The following UBAC2 variants were observed in gnomAD, a reference collection of about 807,000 sequenced individuals.
UBAC2 encodes ubiquitin-associated domain-containing protein 2.
Under a neutral mutation model 44.0 loss-of-function variants are expected in UBAC2, and 26 were observed. The ratio of observed to expected loss-of-function variants is 0.59; its 90% CI spans 0.43 to 0.82. The LOEUF (loss-of-function observed/expected upper bound fraction) is 0.82. UBAC2 is among the 40% of genes least tolerant of loss of function. The probability of loss-of-function intolerance (pLI) is 0.00; values close to 1 mark genes in which losing one functional copy is unlikely to be tolerated. For missense variants in UBAC2, 329 were observed against 419.4 expected (o/e 0.78, Z 1.88); for synonymous variants, 155 against 154.3 (o/e 1.00, Z -0.04).
chr13:99,215,349 A>G, intron 1 of UBAC2: 2 of 884,472 alleles, frequency 2.3e-6, no homozygotes, highest in Admixed American at 3.4e-5. Flanking sequence ...GAGTCCTGAG[A>G]TAACAAGGAA....
chr13:99,209,771 C>T (rs1454772258), intron 1 of UBAC2, among the ~76,000 whole-genome samples: 1 of 152,146 alleles, frequency 6.6e-6, no homozygotes, highest in East Asian at 1.9e-4. Flanking sequence ...GCCAGGAGTT[C>T]GAGACCAGCC....
intron 4 of UBAC2, among the ~76,000 whole-genome samples, chr13:99,293,323 C>G (rs963903146): frequency 6.6e-6 from 1 of 152,108 alleles, no homozygotes; most frequent in East Asian, 1.9e-4. Flanking sequence ...AGGACTCTTG[C>G]CTACCCTAAG....
At chr13:99,254,396 G>T (rs2043502940) in intron 4 of UBAC2, among the ~76,000 whole-genome samples, 1 of 152,106 alleles carries the variant, frequency 6.6e-6, no homozygotes, top group Admixed American at 6.5e-5. Flanking sequence ...AGGCCCCTTG[G>T]GTTCTTGTTG....
intron 2 of UBAC2, among the ~76,000 whole-genome samples, chr13:99,242,776 C>A (rs9557183): frequency 6.2e-5 from 1 of 16,012 alleles, no homozygotes; most frequent in Non-Finnish European, 1.6e-4. Flanking sequence ...CGGGCGGAGA[C>A]GCTCCTCACT....
intron 4 of UBAC2, among the ~76,000 whole-genome samples, chr13:99,254,308 G>T (rs1461737363): frequency 6.6e-6 from 1 of 152,216 alleles, no homozygotes; most frequent in African/African-American, 2.4e-5. Context: ...TAGGCTCTCA[G>T]TGTTTGTTGA....
At chr13:99,307,635 A>G (rs1381376284) in intron 4 of UBAC2, among the ~76,000 whole-genome samples, 2 of 152,172 alleles carry the variant, frequency 1.3e-5, no homozygotes, top group Non-Finnish European at 2.9e-5. Context: ...TATCTGTGGA[A>G]CTTTATAAAT....
intron 8 of UBAC2, among the ~76,000 whole-genome samples, chr13:99,382,477 C>T (rs1037006382): frequency 1.2e-4 from 18 of 152,192 alleles, no homozygotes; most frequent in African/African-American, 4.3e-4. Context: ...TTCCTCTGCT[C>T]TCATTGAAGC....
Position 99,385,371 on chromosome 13 carries a change from C to A in UBAC2, c.*36C>A, listed in dbSNP as rs771286531. 1 of 1,550,062 alleles carries A rather than the reference C, an allele frequency of 6.5e-7. No individual in the cohort carries two copies. The highest frequency in any genetic ancestry group is 8.9e-7 in the Non-Finnish European group (1 of 1,123,086). ...CCAACACTGGGACCGGACCGGCAGC[C>A]GAGTGACAGTGCGTGGTCCCCACCA... On this transcript the variant is annotated 3_prime_UTR_variant, in exon 9 of 9. Transcript: ENST00000403766.
chr13:99,369,602 A>G (rs1402903629), intron 8 of UBAC2, among the ~76,000 whole-genome samples: 6 of 152,210 alleles, frequency 3.9e-5, no homozygotes, highest in African/African-American at 4.8e-5. Flanking sequence ...TCAACTTATG[A>G]TATTTTCAAC....
chr13:99,312,977 TTTTG>T (rs979019551), intron 4 of UBAC2: 10 of 152,722 alleles, frequency 6.5e-5, no homozygotes, highest in East Asian at 1.9e-4. Context: ...TTTTTTTTGT[TTTTG>T]TTTGTTTGTT....
chr13:99,255,510 C>T, intron 4 of UBAC2: 1 of 1,614,084 alleles, frequency 6.2e-7, no homozygotes, highest in Non-Finnish European at 8.5e-7. Context: ...GTACAATGGC[C>T]ATGTATCTGT....
intron 6 of UBAC2, among the ~76,000 whole-genome samples, chr13:99,322,795 G>A (rs548735034): frequency 6.6e-6 from 1 of 152,284 alleles, no homozygotes; most frequent in South Asian, 2.1e-4. Context: ...AACACTTTAC[G>A]ATGGTGCAAG....
intron 7 of UBAC2, among the ~76,000 whole-genome samples, chr13:99,342,110 C>T (rs2044899248): frequency 6.6e-6 from 1 of 152,118 alleles, no homozygotes. Flanking sequence ...GAGAGAACAC[C>T]GTCAGCATCA....
intron 4 of UBAC2, among the ~76,000 whole-genome samples, chr13:99,271,976 G>C (rs1385516265): frequency 6.6e-6 from 1 of 152,170 alleles, no homozygotes; most frequent in Non-Finnish European, 1.5e-5. Flanking sequence ...TTTTTGTTAG[G>C]ACTGTTTGAT....
intron 7 of UBAC2, among the ~76,000 whole-genome samples, chr13:99,350,180 A>G (rs541435686): frequency 2.0e-5 from 3 of 152,272 alleles, no homozygotes; most frequent in East Asian, 1.9e-4. Context: ...GATCATCTCT[A>G]TATCTAATTT....
At chr13:99,358,835 T>C (rs1594167946) in intron 7 of UBAC2, among the ~76,000 whole-genome samples, 1 of 151,642 alleles carries the variant, frequency 6.6e-6, no homozygotes, top group Admixed American at 6.6e-5. Flanking sequence ...AGATATGGGG[T>C]GGGAGATGAG....
At chr13:99,318,302 G>T (rs2044520377) in intron 6 of UBAC2, among the ~76,000 whole-genome samples, 1 of 151,706 alleles carries the variant, frequency 6.6e-6, no homozygotes, top group African/African-American at 2.4e-5. Context: ...AGAGTAGCTG[G>T]GATTACAGGT....
At chr13:99,274,280 T>C (rs77108018) in intron 4 of UBAC2, among the ~76,000 whole-genome samples, 3 of 152,212 alleles carry the variant, frequency 2.0e-5, no homozygotes, top group Non-Finnish European at 4.4e-5. Flanking sequence ...TAATTTTTTT[T>C]CCATTATTGG....
chr13:99,265,400 AG>A (rs1467041816), intron 4 of UBAC2, among the ~76,000 whole-genome samples: 13 of 152,210 alleles, frequency 8.5e-5, no homozygotes, highest in African/African-American at 3.1e-4. Context: ...TTTGGAAAAA[AG>A]GTTCTCAGAC....
Sources: gnomAD v4.1 joint callset for allele counts (sites outside exome capture counted in the v4.1 genomes callset) on GRCh38, gnomAD v4.1.1 for gene constraint, MANE v1.5 for transcripts, NCBI Gene and HGNC (gene_info 2026-07-23, HGNC 2026-07-21) for gene names.